NPAS3: variants seen among roughly 807,000 people sequenced by gnomAD.
NPAS3 encodes the protein neuronal PAS domain-containing protein 3.
NPAS3 carries 14 observed loss-of-function variants against 73.1 expected under a neutral mutation model. That is an observed-to-expected ratio of 0.19 (90% confidence interval 0.13 to 0.30). The LOEUF is 0.30. Among genes scored for constraint, NPAS3 ranks in the 10% least tolerant of loss-of-function variants. The pLI, the probability that NPAS3 is intolerant of heterozygous loss-of-function variation, is 1.00. For missense variants in NPAS3, 1,096 were observed against 1,250.0 expected (o/e 0.88, Z 1.86); for synonymous variants, 620 against 541.5 (o/e 1.14, Z -2.01).
chr14:33,720,249 T>C (rs989565754), intron 6 of NPAS3, among the ~76,000 whole-genome samples: 2 of 152,182 alleles, frequency 1.3e-5, no homozygotes, highest in African/African-American at 4.8e-5. Flanking sequence ...ATTTATTACC[T>C]GTTAGGAAGA....
At chr14:33,151,253 T>C (rs1328813108) in intron 2 of NPAS3, among the ~76,000 whole-genome samples, 1 of 152,234 alleles carries the variant, frequency 6.6e-6, no homozygotes, top group Non-Finnish European at 1.5e-5. Context: ...AAGGAGGCCT[T>C]CTGAGGCCTC....
chr14:33,052,965 T>C (rs2040762167), intron 1 of NPAS3, among the ~76,000 whole-genome samples: 1 of 152,196 alleles, frequency 6.6e-6, no homozygotes, highest in South Asian at 2.1e-4. Context: ...ATCAAACTGT[T>C]ATGGCTGGCA....
chr14:33,474,315 A>AG (rs1327441437), intron 4 of NPAS3, among the ~76,000 whole-genome samples: 1 of 152,220 alleles, frequency 6.6e-6, no homozygotes, highest in Non-Finnish European at 1.5e-5. Context: ...ATGGAATATT[A>AG]CATGATCATT....
chr14:33,031,487 C>T (rs1479211198), intron 1 of NPAS3, among the ~76,000 whole-genome samples: 4 of 151,978 alleles, frequency 2.6e-5, no homozygotes, highest in Non-Finnish European at 4.4e-5. Context: ...TCACTATGTG[C>T]TTTTCTGTTT....
chr14:33,380,385 T>A (rs2046495079), intron 4 of NPAS3, among the ~76,000 whole-genome samples: 1 of 152,066 alleles, frequency 6.6e-6, no homozygotes, highest in Non-Finnish European at 1.5e-5. Context: ...CTCGCTACTA[T>A]CTTCTGTCAT....
chr14:33,697,762 C>A lies in NPAS3; in HGVS notation c.733+21377C>A, dbSNP rs1025113623. On this transcript the variant is annotated intron_variant, in intron 6 of 11. Coordinates refer to ENST00000356141, the Ensembl canonical transcript of NPAS3. ...TTATGAATTTTCTTCCTTTTTTCCACCCAGTGTTTTAGACTTCCACATTAA... is the reference window on the plus strand; with the variant it reads ...TTATGAATTTTCTTCCTTTTTTCCAACCAGTGTTTTAGACTTCCACATTAA... Among the ~76,000 whole-genome samples the A allele has an allele frequency of 1.3e-5, 2 of 152,132 alleles. 1 individual carries two copies. Among genetic ancestry groups the A allele is most frequent in the Non-Finnish European group, 2.9e-5 (2 of 68,020 alleles).
At chr14:33,715,589 G>C (rs1456324272) in intron 6 of NPAS3, among the ~76,000 whole-genome samples, 1 of 152,132 alleles carries the variant, frequency 6.6e-6, no homozygotes, top group African/African-American at 2.4e-5. Flanking sequence ...CGTCTGTGTT[G>C]GAATGGGCTA....
At chr14:32,938,482 A>AGAGAG (rs2035781447), upstream of NPAS3, among the ~76,000 whole-genome samples, 1 of 15,058 alleles carries the variant, frequency 6.6e-5, no homozygotes, top group Non-Finnish European at 1.6e-4. Flanking sequence ...AGAGAGAGAG[A>AGAGAG]AATTGAGAGA....
intron 5 of NPAS3, among the ~76,000 whole-genome samples, chr14:33,576,596 A>T (rs770693101): frequency 6.6e-6 from 1 of 152,172 alleles, no homozygotes; most frequent in Non-Finnish European, 1.5e-5. Context: ...AAGGAGAGGG[A>T]GATCTCAATA....
At chr14:32,990,862 G>A (rs1479949500) in intron 1 of NPAS3, among the ~76,000 whole-genome samples, 2 of 151,790 alleles carry the variant, frequency 1.3e-5, no homozygotes, top group South Asian at 4.2e-4. Flanking sequence ...AGGAGGTTGA[G>A]GCTGCAGTGA....
At chr14:33,232,474 C>G (rs568570251) in intron 3 of NPAS3, among the ~76,000 whole-genome samples, 1 of 152,140 alleles carries the variant, frequency 6.6e-6, no homozygotes, top group South Asian at 2.1e-4. Flanking sequence ...AGATGACTTG[C>G]GCAGTGTTAA....
At chr14:33,296,687 A>G (rs1026564878) in intron 3 of NPAS3, among the ~76,000 whole-genome samples, 10 of 152,226 alleles carry the variant, frequency 6.6e-5, no homozygotes, top group African/African-American at 2.4e-4. Context: ...TAGCCACAGA[A>G]TTCTGAGTAG....
At position 33,658,071 on chromosome 14, in the gene NPAS3, C is replaced by A. The variant is rs542450975; in HGVS notation, c.559-18140C>A. On this transcript the variant is annotated intron_variant, in intron 5 of 11. Coordinates refer to ENST00000356141, the Ensembl canonical transcript of NPAS3. ...GCCCAAGCTCTTTCTGCTATGGTTT[C>A]TTTCACCTTTGTGGCTGCCACTCTT... 5.1e-4 allele frequency among the ~76,000 whole-genome samples: 77 copies of A among 152,362 alleles called. 2 individuals carry two copies. The highest frequency in any genetic ancestry group is 1.8e-3 in the African/African-American group (76 of 41,594).
chr14:33,448,256 G>A (rs1451122785), intron 4 of NPAS3, among the ~76,000 whole-genome samples: 1 of 152,164 alleles, frequency 6.6e-6, no homozygotes, highest in African/African-American at 2.4e-5. Context: ...ACTTGGATGA[G>A]ATCCTCTAAG....
chr14:32,994,893 A>G (rs2038503124), intron 1 of NPAS3, among the ~76,000 whole-genome samples: 2 of 152,214 alleles, frequency 1.3e-5, no homozygotes, highest in South Asian at 2.1e-4. Context: ...TGGCCTTCCA[A>G]AGTGCTGGGA....
chr14:32,977,887 A>G (rs1404656211), intron 1 of NPAS3, among the ~76,000 whole-genome samples: 1 of 152,210 alleles, frequency 6.6e-6, no homozygotes, highest in African/African-American at 2.4e-5. Context: ...TTTATTACTG[A>G]TATTTATCAG....
chr14:32,990,593 G>A (rs2038291125), intron 1 of NPAS3, among the ~76,000 whole-genome samples: 1 of 152,022 alleles, frequency 6.6e-6, no homozygotes, highest in South Asian at 2.1e-4. Context: ...GAAGAGAAAT[G>A]ACCAATCAAA....
chr14:33,739,974 TCC>T (rs1173042555), intron 7 of NPAS3, among the ~76,000 whole-genome samples: 1 of 152,106 alleles, frequency 6.6e-6, no homozygotes, highest in East Asian at 1.9e-4. Flanking sequence ...TTTTTTCATT[TCC>T]CCTAATGCAT....
At chr14:33,620,614 C>T (rs1487512194) in intron 5 of NPAS3, among the ~76,000 whole-genome samples, 1 of 152,098 alleles carries the variant, frequency 6.6e-6, no homozygotes, top group Non-Finnish European at 1.5e-5. Context: ...CAGATAAAGT[C>T]TTCCTCATTT....
Sources: allele counts gnomAD v4.1 joint callset (sites outside exome capture counted in the v4.1 genomes callset), GRCh38; gene constraint gnomAD v4.1.1; transcripts MANE v1.5; gene names NCBI Gene and HGNC (gene_info 2026-07-23, HGNC 2026-07-21).